The following TMPRSS5 variants were observed in gnomAD, a reference collection of about 807,000 sequenced individuals.
The protein encoded by TMPRSS5 is transmembrane serine protease 5.
A neutral mutation model predicts 59.7 loss-of-function variants in TMPRSS5; 45 were observed. That is an observed-to-expected ratio of 0.75 (90% CI 0.59 to 0.97). TMPRSS5 has a LOEUF of 0.97. Among genes scored for constraint, TMPRSS5 ranks in the 50% least tolerant of loss-of-function variants. TMPRSS5 has a pLI of 0.00. For synonymous variants in TMPRSS5, 225 were observed against 232.0 expected (o/e 0.97, Z 0.27); for missense variants, 585 against 596.7 (o/e 0.98, Z 0.20).
intron 1 of TMPRSS5, among the ~76,000 whole-genome samples, chr11:113,700,420 T>G (rs145205318): frequency 4.0e-4 from 61 of 152,302 alleles, no homozygotes; most frequent in African/African-American, 1.4e-3. Context: ...AATGCAGATT[T>G]GGCCCACTCC....
intron 9 of TMPRSS5, 21 bp downstream of exon 9, chr11:113,693,050 A>G: frequency 7.2e-7 from 1 of 1,386,420 alleles, no homozygotes; most frequent in East Asian, 3.5e-5. Context: ...CAGCCTGCCC[A>G]CCCTCAAGCC....
In TMPRSS5 at chr11:113,700,102, T is replaced by A. The variant is rs1270755335; in HGVS notation, c.70A>T (p.Ile24Phe). ...QYAEEGPGPGIFRAEPGDQQH... is the reference protein window; with the variant it reads ...QYAEEGPGPGFFRAEPGDQQH... The stretch of plus-strand genomic sequence containing the variant: ...TGGTCTCCAGGCTCTGCTCTGAAGA[T>A]CCCAGGTCCTGGGCCCTCCTCTGCA... Residue 24 changes from isoleucine (I) to phenylalanine (F), a missense_variant, in exon 2 of 13, where the codon ATC (isoleucine) becomes TTC (phenylalanine). By Grantham distance (21) the Ile-to-Phe change is conservative (BLOSUM62 0). Coordinates refer to ENST00000299882, the MANE Select transcript of TMPRSS5 (RefSeq NM_030770.4). The A allele has an allele frequency of 2.5e-6, 4 of 1,580,234 alleles. No individual in the cohort carries two copies. The highest frequency in any genetic ancestry group is 3.4e-6 in the Non-Finnish European group (4 of 1,162,488).
At chr11:113,699,248 T>TCTCTC (rs1953033678) in intron 3 of TMPRSS5, among the ~76,000 whole-genome samples, 1 of 84,850 alleles carries the variant, frequency 1.2e-5, no homozygotes, top group African/African-American at 6.8e-5. Context: ...TCTCTCTCTC[T>TCTCTC]CTCTCTCTCT....
Position 113,696,903 on chromosome 11 carries a change from A to T in TMPRSS5, c.533T>A (p.Leu178His). ...CAGGAAGCCTCCCAGTCTAGGAGAG[A>T]GCTGAGCAAACTCCTGGGAACTGTT... ...KLNSSQEFAQ[L>H]SPRLGGFLEE... The change falls in exon 6 of 13, where the codon CTC (leucine) becomes CAC (histidine). Residue 178 changes from leucine to histidine, a missense_variant. Physicochemically the swap from Leu to His is moderately conservative, Grantham distance 99. Coordinates refer to ENST00000299882, the MANE Select transcript of TMPRSS5 (RefSeq NM_030770.4). 1 of 1,578,076 alleles carries T rather than the reference A, an allele frequency of 6.3e-7. No individual in the cohort carries two copies.
intron 1 of TMPRSS5, among the ~76,000 whole-genome samples, chr11:113,701,477 G>T (rs1419272319): frequency 1.5e-5 from 2 of 131,036 alleles, no homozygotes; most frequent in African/African-American, 2.8e-5. Context: ...AACTTTGGTG[G>T]TTTTTTTTTG....
At chr11:113,702,305 A>G (rs1053306955) in intron 1 of TMPRSS5, among the ~76,000 whole-genome samples, 2 of 152,236 alleles carry the variant, frequency 1.3e-5, no homozygotes, top group African/African-American at 4.8e-5. Flanking sequence ...GTATATACAC[A>G]GTAATGGGAT....
chr11:113,689,765 C>G lies in TMPRSS5; in HGVS notation c.1359G>C (p.Gln453His). The G allele has an allele frequency of 6.2e-7, 1 of 1,609,840 alleles. No individual in the cohort carries two copies. Among genetic ancestry groups the G allele is most frequent in the Non-Finnish European group, 8.5e-7 (1 of 1,178,352 alleles). ...EFLDWIHDTA[Q>H]DSLL is the part of the protein sequence containing the mutation. ...GCCCTACTCCTGCCCCCACACTCACCTGAGCAGTGTCATGGATCCAGTCCA... is the reference window on the plus strand; with the variant it reads ...GCCCTACTCCTGCCCCCACACTCACGTGAGCAGTGTCATGGATCCAGTCCA... Residue 453 changes from glutamine to histidine, a missense_variant and splice_region_variant, in exon 12 of 13, where the codon CAG becomes CAC. By Grantham distance (24) the Gln-to-His change is conservative. Coordinates refer to ENST00000299882, the MANE Select transcript of TMPRSS5 (RefSeq NM_030770.4).
chr11:113,699,934 GGGGATAAAGA>G, intron 2 of TMPRSS5, 122 bp downstream of exon 2: 12 of 1,526,782 alleles, frequency 7.9e-6, no homozygotes, highest in Non-Finnish European at 1.1e-5. Flanking sequence ...AAGCAGGTCT[GGGGATAAAGA>G]GTGAGACAGC....
Position 113,688,247 on chromosome 11 carries a change from GAAACAGCAGGAC to G in TMPRSS5, c.*1_*12del. 6.3e-7 allele frequency: 1 copy of G among 1,579,426 alleles called. No homozygotes were observed. The highest frequency in any genetic ancestry group is 8.6e-7 in the Non-Finnish European group (1 of 1,162,732). ...GCAGTGGTGTGCAGTGAGACTGGAG[GAAACAGCAGGAC>G]TCAGAGGAGGGAGTCCTAGACCAAA... On this transcript the variant is annotated 3_prime_UTR_variant, in exon 13 of 13. Coordinates refer to ENST00000299882, the MANE Select transcript of TMPRSS5 (RefSeq NM_030770.4).
Position 113,699,116 on chromosome 11 carries a change from A to C in TMPRSS5, c.206-89T>G. 2.0e-6 allele frequency: 3 copies of C among 1,472,336 alleles called. No homozygotes were observed. In the South Asian group the frequency reaches 4.0e-5, roughly 20 times the overall value. The allele number at this position is 1,472,336 out of a possible 1,614,324, so 91.2% of individuals were successfully genotyped here. On this transcript the variant is annotated intron_variant, in intron 3 of 12. Coordinates refer to ENST00000299882, the MANE Select transcript of TMPRSS5 (RefSeq NM_030770.4). ...CTCATCAGCCACCTTGCTCTCAGGC[A>C]GCTCCCCAACCAACCTGCTGAGGAG...
chr11:113,704,792 G>T (rs1157793241), intron 1 of TMPRSS5, among the ~76,000 whole-genome samples: 1 of 147,406 alleles, frequency 6.8e-6, no homozygotes, highest in African/African-American at 2.5e-5. Context: ...CTTTCTCACT[G>T]GTTTTTGCAT....
At chr11:113,697,153 A>C (rs1054145440) in intron 5 of TMPRSS5, 130 bp downstream of exon 5, 34 of 1,389,468 alleles carry the variant, frequency 2.4e-5, no homozygotes, top group Non-Finnish European at 3.1e-5. Context: ...AGAGGCCAGA[A>C]GATGGCCAAA....
At chr11:113,699,758 A>AGTGGTGACTTAGGGTG in intron 2 of TMPRSS5, 65 bp from the exon 3 acceptor site, 1 of 1,499,108 alleles carries the variant, frequency 6.7e-7, no homozygotes, top group Non-Finnish European at 9.1e-7. Context: ...ACTTCACCCT[A>AGTGGTGACTTAGGGTG]AGTCACCACT....
chr11:113,694,501 C>A lies in TMPRSS5; in HGVS notation c.762G>T (p.Val254=), dbSNP rs765477827. ...GGSVLAPRWV[V]TAAHCMHSFR... is the part of the protein sequence containing the mutation. ...GCCTGTGCATACAATGTGCAGCAGT[C>A]ACCACCCAGCGTGGCGCTAGCACAG... The change falls in exon 8 of 13, where the codon GTG becomes GTT. Residue 254 remains valine (V), a synonymous_variant. Transcript: ENST00000299882. The A allele has an allele frequency of 5.1e-6, 8 of 1,567,420 alleles. No homozygotes were observed. In the African/African-American group the frequency reaches 8.1e-5, roughly 16 times the overall value.
At chr11:113,696,255 T>C (rs1591381166) in intron 6 of TMPRSS5, among the ~76,000 whole-genome samples, 1 of 152,166 alleles carries the variant, frequency 6.6e-6, no homozygotes, top group Non-Finnish European at 1.5e-5. Flanking sequence ...AGGAGGCTGA[T>C]AGGCAGATTG....
chr11:113,699,033 G>T lies in TMPRSS5; in HGVS notation c.206-6C>A. 6.2e-7 allele frequency: 1 copy of T among 1,611,310 alleles called. No individual in the cohort carries two copies. Among genetic ancestry groups the T allele is most frequent in the Non-Finnish European group, 8.5e-7 (1 of 1,178,838 alleles). ...AGCAGGACACAGATACAGCACTTTA[G>T]AGAAGAACAAAGAGAAAGGGTCTGA... On this transcript the variant is annotated splice_polypyrimidine_tract_variant and splice_region_variant and intron_variant, in intron 3 of 12. Transcript: ENST00000299882.
intron 3 of TMPRSS5, 142 bp downstream of exon 3, chr11:113,699,453 C>T (rs1953057969): frequency 2.9e-6 from 2 of 699,110 alleles, no homozygotes; most frequent in Non-Finnish European, 4.9e-6. Context: ...TAGATCCCTC[C>T]TGCTGCAATT....
In TMPRSS5 at chr11:113,689,744, T is replaced by TACTCCTGCCCC. The variant is rs745319514; in HGVS notation, c.1359+10_1359+20dup. ...AGGTCCTTTAGAAATCTCCCTGCCC[T>TACTCCTGCCCC]ACTCCTGCCCCCACACTCACCTGAG... On this transcript the variant is annotated intron_variant, in intron 12 of 12. Transcript: ENST00000299882. 1.1e-5 allele frequency: 17 copies of TACTCCTGCCCC among 1,605,122 alleles called. No homozygotes were observed. In the South Asian group the frequency reaches 1.9e-4, roughly 18 times the overall value.
intron 11 of TMPRSS5, 95 bp downstream of exon 11, chr11:113,690,136 C>T: frequency 6.8e-7 from 1 of 1,466,774 alleles, no homozygotes; most frequent in South Asian, 1.3e-5. Flanking sequence ...CACTGACAAG[C>T]TCAGACCAGG....
Sources: gnomAD v4.1 joint callset for allele counts (sites outside exome capture counted in the v4.1 genomes callset) on GRCh38, gnomAD v4.1.1 for gene constraint, MANE v1.5 for transcripts, NCBI Gene and HGNC (gene_info 2026-07-23, HGNC 2026-07-21) for gene names.